NOL4: variants seen among roughly 807,000 people sequenced by gnomAD.
The protein encoded by NOL4 is nucleolar protein 4, also known as cancer/testis antigen 125.
A neutral mutation model predicts 75.9 loss-of-function variants in NOL4; 17 were observed. The ratio of observed to expected loss-of-function variants is 0.22; its 90% confidence interval spans 0.15 to 0.34. The LOEUF is 0.34. Among genes scored for constraint, NOL4 ranks in the 10% least tolerant of loss-of-function variants. The pLI is 1.00. For synonymous variants in NOL4, 292 were observed against 289.9 expected, an observed-to-expected ratio of 1.01 and a Z score of -0.07; for missense variants, 614 against 793.5, an observed-to-expected ratio of 0.77 and a Z score of 2.72.
At chr18:34,101,064 C>A (rs2145636193) in intron 4 of NOL4, among the ~76,000 whole-genome samples, 1 of 152,254 alleles carries the variant, frequency 6.6e-6, no homozygotes, top group East Asian at 1.9e-4. Flanking sequence ...AACTTAAAAT[C>A]TATTCATAAT....
Position 33,997,920 on chromosome 18 carries a change from A to G in NOL4, c.1056+21398T>C, listed in dbSNP as rs148744546. ...TGGTATTGTATAGCTGTACAATGAC[A>G]TATTATTGTCCATTGGGCTGAATAA... On this transcript the variant is annotated intron_variant, in intron 6 of 10. Coordinates refer to ENST00000261592, the MANE Select transcript of NOL4 (RefSeq NM_003787.5). Among the ~76,000 whole-genome samples the G allele has an allele frequency of 2.0e-4, 30 of 152,038 alleles. No individual in the cohort carries two copies. In the East Asian group the frequency reaches 5.6e-3, roughly 28 times the overall value.
intron 9 of NOL4, among the ~76,000 whole-genome samples, chr18:33,906,992 A>C (rs1030277352): frequency 1.3e-5 from 2 of 152,172 alleles, no homozygotes; most frequent in Non-Finnish European, 2.9e-5. Context: ...CTTTCATTGT[A>C]TATAAATTAG....
chr18:34,196,633 T>C (rs2035349342), intron 1 of NOL4, among the ~76,000 whole-genome samples: 1 of 152,122 alleles, frequency 6.6e-6, no homozygotes, highest in African/African-American at 2.4e-5. Flanking sequence ...GCAAAACATG[T>C]ATTTGCAGCA....
chr18:34,079,800 A>T (rs2077919031), intron 5 of NOL4, among the ~76,000 whole-genome samples: 1 of 152,178 alleles, frequency 6.6e-6, no homozygotes, highest in Non-Finnish European at 1.5e-5. Context: ...ATTTAAAGCC[A>T]AGTTTTTAGA....
intron 9 of NOL4, among the ~76,000 whole-genome samples, chr18:33,908,776 TAA>T (rs1440825293): frequency 6.6e-6 from 1 of 152,114 alleles, no homozygotes; most frequent in African/African-American, 2.4e-5. Flanking sequence ...TGAAATTATC[TAA>T]AGACAAAAAT....
At chr18:34,203,727 A>T (rs1375202756) in intron 1 of NOL4, among the ~76,000 whole-genome samples, 89 of 143,744 alleles carry the variant, frequency 6.2e-4, no homozygotes, top group African/African-American at 2.2e-3. Flanking sequence ...TCACACACAC[A>T]CACACACACA....
At chr18:34,205,446 T>G (rs575805976) in intron 1 of NOL4, among the ~76,000 whole-genome samples, 1 of 152,198 alleles carries the variant, frequency 6.6e-6, no homozygotes, top group East Asian at 1.9e-4. Flanking sequence ...GCGGGTGGCA[T>G]GTATTTTACA....
At chr18:33,959,628 T>C (rs990949253) in intron 6 of NOL4, among the ~76,000 whole-genome samples, 27 of 152,114 alleles carry the variant, frequency 1.8e-4, no homozygotes, top group Non-Finnish European at 2.4e-4. Context: ...TTTCATGATA[T>C]AAAAGATATT....
chr18:34,105,719 T>C (rs144067319), intron 2 of NOL4, among the ~76,000 whole-genome samples: 509 of 152,112 alleles, frequency 3.3e-3, no homozygotes, highest in Admixed American at 4.7e-3. Flanking sequence ...ATGACACATC[T>C]GGAAATGCAT....
intron 9 of NOL4, among the ~76,000 whole-genome samples, chr18:33,884,126 T>C (rs1233241381): frequency 2.0e-5 from 3 of 152,112 alleles, no homozygotes; most frequent in Admixed American, 2.0e-4. Flanking sequence ...TAAAATAACT[T>C]GCTAGGCTTT....
intron 9 of NOL4, among the ~76,000 whole-genome samples, chr18:33,921,074 T>C (rs1302425371): frequency 6.6e-6 from 1 of 152,218 alleles, no homozygotes; most frequent in Non-Finnish European, 1.5e-5. Context: ...TGATCCATTT[T>C]TTCCCTTTGG....
chr18:34,167,256 A>G (rs1156549949), intron 1 of NOL4, among the ~76,000 whole-genome samples: 2 of 151,894 alleles, frequency 1.3e-5, no homozygotes, highest in Admixed American at 6.6e-5. Flanking sequence ...CCTGGACCCA[A>G]TCCCTAATGG....
chr18:34,086,830 C>G (rs186566628), intron 5 of NOL4, among the ~76,000 whole-genome samples: 17 of 152,078 alleles, frequency 1.1e-4, no homozygotes, highest in Admixed American at 7.9e-4. Context: ...TGTAAAATTT[C>G]TTAGAGTAGA....
intron 9 of NOL4, among the ~76,000 whole-genome samples, chr18:33,926,461 CT>C (rs750364779): frequency 6.6e-6 from 1 of 150,986 alleles, no homozygotes; most frequent in Non-Finnish European, 1.5e-5. Context: ...TTTCCTCTGC[CT>C]TCTTAGATGT....
chr18:34,051,865 T>A (rs1485535208), intron 5 of NOL4, among the ~76,000 whole-genome samples: 6 of 152,030 alleles, frequency 3.9e-5, no homozygotes, highest in African/African-American at 1.4e-4. Context: ...AAATTCAAAT[T>A]TTGGAATAAG....
intron 1 of NOL4, among the ~76,000 whole-genome samples, chr18:34,211,014 A>G (rs2036474730): frequency 6.6e-6 from 1 of 151,976 alleles, no homozygotes; most frequent in Non-Finnish European, 1.5e-5. Context: ...TTTACGGTGG[A>G]GGTTGCAGTG....
At chr18:34,066,155 G>A (rs1299347146) in intron 5 of NOL4, among the ~76,000 whole-genome samples, 2 of 151,894 alleles carry the variant, frequency 1.3e-5, no homozygotes, top group Non-Finnish European at 2.9e-5. Context: ...TGTAATTTCT[G>A]TGTAAGTTTT....
intron 1 of NOL4, among the ~76,000 whole-genome samples, chr18:34,170,742 T>G (rs894805776): frequency 2.0e-5 from 3 of 152,152 alleles, no homozygotes; most frequent in African/African-American, 7.2e-5. Context: ...CATTAGGAAA[T>G]TCTAATCATA....
chr18:34,117,529 G>T (rs1015669049), intron 2 of NOL4, among the ~76,000 whole-genome samples: 3 of 152,202 alleles, frequency 2.0e-5, no homozygotes, highest in African/African-American at 7.2e-5. Flanking sequence ...ACAAGGGTCA[G>T]TCAAGCACTC....
Sources: gnomAD v4.1 joint callset for allele counts (sites outside exome capture counted in the v4.1 genomes callset) on GRCh38, gnomAD v4.1.1 for gene constraint, MANE v1.5 for transcripts, NCBI Gene and HGNC (gene_info 2026-07-23, HGNC 2026-07-21) for gene names.